IAH1: variants seen among roughly 807,000 people sequenced by gnomAD.
IAH1 encodes the protein isoamyl acetate-hydrolyzing esterase 1 homolog.
A neutral mutation model predicts 26.7 loss-of-function variants in IAH1; 24 were observed. The ratio of observed to expected loss-of-function variants is 0.90; its 90% CI spans 0.65 to 1.26. The LOEUF (loss-of-function observed/expected upper bound fraction) is 1.26. IAH1 is among the 50% of genes most tolerant of loss of function. The pLI is 0.00. For synonymous variants in IAH1, 140 were observed against 118.5 expected (o/e 1.18, Z -1.18); for missense variants, 300 against 299.9 (o/e 1.00, Z 0.00).
the IAH1 span, among the ~76,000 whole-genome samples, chr2:9,507,966 C>T: frequency 9.2e-5 from 14 of 152,296 alleles, no homozygotes; most frequent in African/African-American, 3.4e-4. Context: ...CCCACCTCGG[C>T]CTCTCAAAGT....
chr2:9,502,879 C>CAA, the IAH1 span, among the ~76,000 whole-genome samples: 10,921 of 43,340 alleles, frequency 0.25, 1,723 homozygotes, highest in Middle Eastern at 0.4. Flanking sequence ...AATTCTGTCT[C>CAA]AAAAAAAAAA....
the IAH1 span, among the ~76,000 whole-genome samples, chr2:9,506,386 T>C: frequency 2.1e-5 from 3 of 144,326 alleles, no homozygotes; most frequent in Non-Finnish European, 4.5e-5. Context: ...TTTTTTTTTT[T>C]AGATGGAGTC....
intron 6 of IAH1, among the ~76,000 whole-genome samples, chr2:9,495,309 A>T (rs2124969258): frequency 6.6e-6 from 1 of 152,408 alleles, no homozygotes; most frequent in South Asian, 2.1e-4. Context: ...AACACCGGGC[A>T]TCTGTGAGCC....
intron 5 of IAH1, among the ~76,000 whole-genome samples, chr2:9,487,833 T>TGTGTGTGTGC (rs1192269311): frequency 2.1e-4 from 17 of 82,762 alleles, no homozygotes; most frequent in African/African-American, 4.7e-4. Flanking sequence ...TGTGTGTGTG[T>TGTGTGTGTGC]GCGCGCGCGC....
chr2:9,479,769 G>A (rs868600146), intron 3 of IAH1, among the ~76,000 whole-genome samples: 5 of 138,248 alleles, frequency 3.6e-5, no homozygotes, highest in African/African-American at 1.0e-4. Context: ...GCAGCCAGAT[G>A]TGTGTGCGGA....
rs1341185003 is a variant in IAH1 at position 9,489,137 on chromosome 2, A to C, written c.*808A>C. 7.0e-6 allele frequency: 1 copy of C among 142,308 alleles called. No individual in the cohort carries two copies. The highest frequency in any genetic ancestry group is 1.6e-5 in the Non-Finnish European group (1 of 64,148). The allele number at this position is 142,308 out of a possible 1,614,324, so 8.8% of individuals were successfully genotyped here. ...TTCTATCTCCTGGCTGGCTCATCAC[A>C]TTCAAAACAACCTGTTTTTTTTGTT... On this transcript the variant is annotated 3_prime_UTR_variant, in exon 6 of 6. Transcript: ENST00000497473.
downstream of IAH1, chr2:9,493,099 A>T: frequency 1.2e-6 from 1 of 813,728 alleles, no homozygotes; most frequent in Non-Finnish European, 1.9e-6. Flanking sequence ...GGCTAGACAT[A>T]CTACCGAGAG....
chr2:9,483,910 C>A (rs1022652639), intron 4 of IAH1, among the ~76,000 whole-genome samples: 1 of 152,172 alleles, frequency 6.6e-6, no homozygotes, highest in Non-Finnish European at 1.5e-5. Flanking sequence ...TCAGGCACAC[C>A]GCTATTTAGT....
chr2:9,482,564 TAGAG>T (rs1234161092), intron 4 of IAH1, among the ~76,000 whole-genome samples: 1 of 152,100 alleles, frequency 6.6e-6, no homozygotes, highest in African/African-American at 2.4e-5. Flanking sequence ...AATGGAGTCT[TAGAG>T]AGGCTAAGTA....
the IAH1 span, chr2:9,505,111 T>C: frequency 6.3e-7 from 1 of 1,579,390 alleles, no homozygotes; most frequent in East Asian, 2.2e-5. Flanking sequence ...TCTTCTCTTA[T>C]TTTGGACATC....
chr2:9,510,291 G>A, the IAH1 span, among the ~76,000 whole-genome samples: 6 of 152,296 alleles, frequency 3.9e-5, no homozygotes, highest in South Asian at 1.2e-3. Context: ...GGCTGAGATG[G>A]GAGGATTACT....
downstream of IAH1, among the ~76,000 whole-genome samples, chr2:9,499,113 C>CTTTTT (rs59259119): frequency 4.2e-5 from 2 of 47,536 alleles, no homozygotes; most frequent in African/African-American, 8.6e-5. Flanking sequence ...CTTTCTTCTT[C>CTTTTT]TTTTTTTTTT....
At chr2:9,489,807 C>A, downstream of IAH1, 1 of 117,242 alleles carries the variant, frequency 8.5e-6, no homozygotes, top group South Asian at 2.4e-4. Context: ...CGGTTCATTA[C>A]AGTGTATAAA....
intron 4 of IAH1, 92 bp downstream of exon 4, chr2:9,481,539 G>A: frequency 2.5e-6 from 3 of 1,195,766 alleles, no homozygotes; most frequent in Non-Finnish European, 3.6e-6. Context: ...TGGGGCTTCT[G>A]TTTCTTAGGG....
chr2:9,482,101 G>T (rs182073398), intron 4 of IAH1, among the ~76,000 whole-genome samples: 1 of 146,070 alleles, frequency 6.8e-6, no homozygotes, highest in East Asian at 2.0e-4. Flanking sequence ...GCACGATCTC[G>T]GCTCACTGCA....
downstream of IAH1, chr2:9,490,497 T>G: frequency 6.2e-7 from 1 of 1,613,410 alleles, no homozygotes; most frequent in Non-Finnish European, 8.5e-7. Flanking sequence ...GCAGAATCCA[T>G]GCTGCTCAGC....
At chr2:9,474,447 C>T (rs1220846528), upstream of IAH1, 2 of 506,922 alleles carry the variant, frequency 3.9e-6, no homozygotes, top group Non-Finnish European at 6.6e-6. This position sits in a 1 kb window ranked among gnomAD's most constrained non-coding sequence, Gnocchi z 4.3. Flanking sequence ...CAACGACCTT[C>T]GCGCGTCACC....
rs190134421 is a variant in IAH1 at position 9,482,307 on chromosome 2, C to T, written c.445+860C>T. On this transcript the variant is annotated intron_variant, in intron 4 of 5. Transcript: ENST00000497473. ...CCTCCCAAAGTGCTGGGATTACAGG[C>T]GTGAGCCACCGTTCCTGGACTGGAA... Among the ~76,000 whole-genome samples the T allele has an allele frequency of 2.9e-3, 445 of 152,264 alleles. 2 individuals carry two copies. The highest frequency in any genetic ancestry group is 0.01 in the African/African-American group (430 of 41,534).
At chr2:9,511,183 T>C in the IAH1 span, among the ~76,000 whole-genome samples, 1 of 152,078 alleles carries the variant, frequency 6.6e-6, no homozygotes, top group Non-Finnish European at 1.5e-5. Context: ...GCGCAGTGGC[T>C]CACACCTGTA....
Sources: gnomAD v4.1 joint callset for allele counts (sites outside exome capture counted in the v4.1 genomes callset) on GRCh38, gnomAD v4.1.1 for gene constraint, Gnocchi (gnomAD v3.1) non-coding constraint, MANE v1.5 for transcripts, NCBI Gene and HGNC (gene_info 2026-07-23, HGNC 2026-07-21) for gene names.